SYNE1: variants seen among roughly 807,000 people sequenced by gnomAD.
The protein encoded by SYNE1 is nesprin-1.
Under a neutral mutation model 1,111.0 loss-of-function variants are expected in SYNE1, and 616 were observed. The observed-to-expected ratio is 0.55, with a 90% confidence interval of 0.52 to 0.59. The LOEUF is 0.59. Among genes scored for constraint, SYNE1 ranks in the 20% least tolerant of loss-of-function variants. The pLI, the probability that SYNE1 is intolerant of heterozygous loss-of-function variation, is 0.00. For synonymous variants in SYNE1, 3,855 were observed against 3,825.8 expected (o/e 1.01, Z -0.28); for missense variants, 10,006 against 10,417.0 (o/e 0.96, Z 1.72).
intron 11 of SYNE1, among the ~76,000 whole-genome samples, chr6:152,492,136 T>C (rs2098973829): frequency 6.6e-6 from 1 of 152,214 alleles, no homozygotes; most frequent in South Asian, 2.1e-4. Context: ...GTTCATGGCC[T>C]GTTTGGCAAC....
At chr6:152,310,045 A>C (rs774463568) in intron 89 of SYNE1, 28 bp from the exon 90 acceptor site, 1 of 1,597,726 alleles carries the variant, frequency 6.3e-7, no homozygotes, top group South Asian at 1.1e-5. Flanking sequence ...TAGTTCAAAA[A>C]TTTAATATTT....
At chr6:152,345,026 T>C (rs995976080) in intron 73 of SYNE1, among the ~76,000 whole-genome samples, 1 of 152,224 alleles carries the variant, frequency 6.6e-6, no homozygotes, top group Non-Finnish European at 1.5e-5. Flanking sequence ...CTTTTCTCTG[T>C]CATCTTTTAA....
chr6:152,497,707 T>C (rs965328523), intron 11 of SYNE1, among the ~76,000 whole-genome samples: 2 of 152,234 alleles, frequency 1.3e-5, no homozygotes, highest in African/African-American at 4.8e-5. Context: ...TCTAGCAGAT[T>C]GCAATAAGGT....
At chr6:152,139,694 G>GAGAA (rs2152788274) in intron 140 of SYNE1, among the ~76,000 whole-genome samples, 6 of 106,390 alleles carry the variant, frequency 5.6e-5, no homozygotes, top group African/African-American at 2.2e-4. Flanking sequence ...GAAAGAAAAA[G>GAGAA]AAAGAGAAAA....
At chr6:152,358,242 T>C (rs2154058998) in intron 66 of SYNE1, 131 bp downstream of exon 66, 1 of 1,249,056 alleles carries the variant, frequency 8.0e-7, no homozygotes, top group Non-Finnish European at 1.2e-6. Context: ...GATCAAACCT[T>C]ATGGGGATTG....
intron 86 of SYNE1, among the ~76,000 whole-genome samples, chr6:152,317,624 A>G (rs2095764543): frequency 6.6e-6 from 1 of 152,284 alleles, no homozygotes; most frequent in South Asian, 2.1e-4. Context: ...CCTGGTTTTA[A>G]CTTGTCCCTG....
chr6:152,622,917 C>T (rs1328137989), intron 3 of SYNE1, among the ~76,000 whole-genome samples: 3 of 152,098 alleles, frequency 2.0e-5, no homozygotes, highest in Admixed American at 6.5e-5. Flanking sequence ...TCCACAAGCT[C>T]GCCAATATCA....
At chr6:152,143,852 T>C in intron 137 of SYNE1, 87 bp from the exon 138 acceptor site, 2 of 1,590,618 alleles carry the variant, frequency 1.3e-6, no homozygotes, top group Non-Finnish European at 1.7e-6. Context: ...TCAGAAATGA[T>C]TTCAGTTACA....
chr6:152,456,247 A>G (rs146530046), intron 22 of SYNE1, among the ~76,000 whole-genome samples: 8 of 147,842 alleles, frequency 5.4e-5, no homozygotes, highest in African/African-American at 2.0e-4. Flanking sequence ...TTTCTTATAT[A>G]AGGCATTTAA....
chr6:152,313,765 T>A (rs1051611236), intron 87 of SYNE1, among the ~76,000 whole-genome samples: 1 of 152,146 alleles, frequency 6.6e-6, no homozygotes, highest in Non-Finnish European at 1.5e-5. Context: ...TCTTTTTAAA[T>A]AAACACAGGC....
Position 152,208,063 on chromosome 6 carries a change from C to T in SYNE1, c.22733G>A (p.Trp7578Ter). The change falls in exon 125 of 146, where the codon TGG (tryptophan) becomes TAG (stop). Residue 7578 changes from tryptophan (W) to a stop codon, truncating the protein, a stop_gained. Coordinates refer to ENST00000367255, the MANE Select transcript of SYNE1 (RefSeq NM_182961.4). LOFTEE classifies it high-confidence loss of function. ...GGGGAGGTAGGACACTTCAACCAACCATTTACGAAGCTTTTCTGCCATCTC... is the reference window on the plus strand; with the variant it reads ...GGGGAGGTAGGACACTTCAACCAACTATTTACGAAGCTTTTCTGCCATCTC... ...YREMAEKLRKWLVEVSYLPMS... is the reference protein window; with the variant it reads ...YREMAEKLRK 2 of 1,614,106 alleles carry T rather than the reference C, an allele frequency of 1.2e-6. No individual in the cohort carries two copies. Among genetic ancestry groups the T allele is most frequent in the Non-Finnish European group, 8.5e-7 (1 of 1,180,020 alleles).
intron 127 of SYNE1, among the ~76,000 whole-genome samples, chr6:152,196,783 G>A (rs73780841): frequency 0.065 from 9,858 of 152,006 alleles, 377 homozygotes; most frequent in African/African-American, 0.11. Flanking sequence ...CTGTCTTCCT[G>A]GTGTGTCACC....
chr6:152,378,905 T>A (rs1157046454), intron 56 of SYNE1, among the ~76,000 whole-genome samples: 1 of 152,214 alleles, frequency 6.6e-6, no homozygotes, highest in Non-Finnish European at 1.5e-5. Flanking sequence ...GTCAATTCTT[T>A]ATTTAACTCG....
chr6:152,161,164 G>A lies in SYNE1; in HGVS notation c.23790+2999C>T, dbSNP rs993583406. The stretch of plus-strand genomic sequence containing the variant: ...AAATGGAGAGGAGAAAATTAACATC[G>A]TAGTAATGTAACAAAAATATAAATA... On this transcript the variant is annotated intron_variant, in intron 131 of 145. Coordinates refer to ENST00000367255, the MANE Select transcript of SYNE1 (RefSeq NM_182961.4). 1.9e-4 allele frequency among the ~76,000 whole-genome samples: 26 copies of A among 134,202 alleles called. No homozygotes were observed. The East Asian group carries it at 2.0e-3, about 10-fold the overall frequency. 88.0% of individuals were successfully genotyped at this position (134,202 alleles called of 152,430 possible). A position where few individuals can be genotyped will look rare whatever the true frequency, so the allele number is the denominator to read the frequency against.
intron 63 of SYNE1, among the ~76,000 whole-genome samples, 153 bp downstream of exon 63, chr6:152,364,694 A>AAGGAAGGG (rs2097023863): frequency 1.9e-5 from 2 of 104,048 alleles, no homozygotes; most frequent in African/African-American, 6.3e-5. Flanking sequence ...AGGAGGAAGG[A>AAGGAAGGG]AGGAAGGAAG....
chr6:152,443,999 C>T (rs911795128), intron 30 of SYNE1, among the ~76,000 whole-genome samples: 7 of 152,100 alleles, frequency 4.6e-5, no homozygotes, highest in South Asian at 2.1e-4. Context: ...GTGTGTTCAG[C>T]GTTGTAAGTT....
chr6:152,433,940 T>A lies in SYNE1; in HGVS notation c.4316A>T (p.Lys1439Ile). Residue 1439 changes from lysine to isoleucine, a missense_variant, in exon 34 of 146, where the codon AAA becomes ATA. By Grantham distance (102) the Lys-to-Ile change is moderately radical. Transcript: ENST00000367255. Reference protein sequence around the residue: ...KLEDTLEEDIKTMEMVKTKWD... With the variant: ...KLEDTLEEDIITMEMVKTKWD... Reference sequence around the variant, plus strand: ...CTTGGTTTTCACCATTTCCATGGTTTTAATACTAAAATTAACCAAATTAAG... The same window carrying A: ...CTTGGTTTTCACCATTTCCATGGTTATAATACTAAAATTAACCAAATTAAG... 2 of 1,612,690 alleles carry A rather than the reference T, an allele frequency of 1.2e-6. No homozygotes were observed. The highest frequency in any genetic ancestry group is 1.7e-6 in the Non-Finnish European group (2 of 1,179,174).
Position 152,336,927 on chromosome 6 carries a change from C to G in SYNE1, c.12442G>C (p.Asp4148His), listed in dbSNP as rs117501809. The G allele has an allele frequency of 0.031, 49,346 of 1,614,180 alleles. 913 individuals are homozygous for G. Among genetic ancestry groups the G allele is most frequent in the Non-Finnish European group, 0.035 (41,271 of 1,180,040 alleles). The change falls in exon 76 of 146, where the codon GAT (aspartate) becomes CAT (histidine). Residue 4148 changes from aspartate (D) to histidine (H), a missense_variant. Asp to His is a moderately conservative substitution (Grantham distance 81, BLOSUM62 -1). This residue lies in a region of SYNE1 where 4,955 missense variants were observed against 5,017.2 expected (regional missense o/e 0.99). Transcript: ENST00000367255. The stretch of plus-strand genomic sequence containing the variant: ...ATGTTCTGCAGTTGCTGATCAGCAT[C>G]TTGCAGGTAAATCCAGAGCTCAGAC... Reference protein sequence around the residue: ...LKSELWIYLQDADQQLQNMKR... With the variant: ...LKSELWIYLQHADQQLQNMKR...
At position 152,413,485 on chromosome 6, in the gene SYNE1, G is replaced by A; in HGVS notation, c.6097C>T (p.His2033Tyr). The A allele has an allele frequency of 6.2e-7, 1 of 1,614,098 alleles. No individual in the cohort carries two copies. Among genetic ancestry groups the A allele is most frequent in the East Asian group, 2.2e-5 (1 of 44,864 alleles). The part of the protein sequence containing the change: ...QLEDELNSHE[H>Y]ELCWLKDKAK... ...TTGTCTTTCAACCAACATAGTTCAT[G>A]CTCGTGAGAATTCAATTCATCTTCT... The change falls in exon 42 of 146, where the codon CAT becomes TAT. Residue 2033 changes from histidine (H) to tyrosine (Y), a missense_variant. His to Tyr is a moderately conservative substitution (Grantham distance 83, BLOSUM62 2). Transcript: ENST00000367255.
Sources: gnomAD v4.1 joint callset for allele counts (sites outside exome capture counted in the v4.1 genomes callset) on GRCh38, gnomAD v4.1.1 for gene constraint, gnomAD v4.1.1 regional missense constraint, MANE v1.5 for transcripts, NCBI Gene and HGNC (gene_info 2026-07-23, HGNC 2026-07-21) for gene names.